DOCK8: variants seen among roughly 807,000 people sequenced by gnomAD.
The protein encoded by DOCK8 is dedicator of cytokinesis 8, also known as dedicator of cytokinesis protein 8.
Under a neutral mutation model 245.6 loss-of-function variants are expected in DOCK8, and 141 were observed. The ratio of observed to expected loss-of-function variants is 0.57; its 90% CI spans 0.50 to 0.66. The LOEUF (loss-of-function observed/expected upper bound fraction) is 0.66, where lower values mean the gene tolerates loss of function less well. DOCK8 is among the 30% of genes least tolerant of loss of function. The pLI is 0.00. For missense variants in DOCK8, 2,965 were observed against 2,603.4 expected (o/e 1.14, Z -3.02); for synonymous variants, 1,168 against 970.2 (o/e 1.20, Z -3.79).
At chr9:456,790 C>T (rs530698305) in intron 46 of DOCK8, 5 of 152,112 alleles carry the variant, frequency 3.3e-5, no homozygotes, top group African/African-American at 9.7e-5. Flanking sequence ...TCTGCTCCCC[C>T]AAACACCCCG....
chr9:289,869 T>C lies in DOCK8; in HGVS notation c.404+288T>C, dbSNP rs62533375. Among the ~76,000 whole-genome samples the C allele has an allele frequency of 0.12, 18,535 of 152,216 alleles. 1,185 individuals are homozygous for C. Among genetic ancestry groups the C allele is most frequent in the South Asian group, 0.19 (937 of 4,828 alleles). The stretch of plus-strand genomic sequence containing the variant: ...ACATTAATGTTTACTTTTTGTGTTG[T>C]ATATTCTATGGGTTTTGACAAATGT... On this transcript the variant is annotated intron_variant, in intron 4 of 47. Transcript: ENST00000432829.
At chr9:268,348 G>A (rs1285202043) in intron 1 of DOCK8, 2 of 152,230 alleles carry the variant, frequency 1.3e-5, no homozygotes, top group Non-Finnish European at 2.9e-5. Flanking sequence ...GATTAGTTGT[G>A]TAGTTCTGAA....
intron 27 of DOCK8, among the ~76,000 whole-genome samples, chr9:405,442 C>T (rs1024652783): frequency 3.9e-5 from 6 of 152,158 alleles, no homozygotes; most frequent in Non-Finnish European, 8.8e-5. Flanking sequence ...CATGTATTCA[C>T]CAGGTTTCTT....
intron 9 of DOCK8, among the ~76,000 whole-genome samples, chr9:332,106 G>A (rs937365497): frequency 1.3e-5 from 2 of 152,044 alleles, no homozygotes; most frequent in East Asian, 1.9e-4. Context: ...ATACACATAA[G>A]CAATGGGAAG....
chr9:336,511 T>C (rs1252690608), intron 11 of DOCK8, 71 bp from the exon 12 acceptor site: 2 of 1,596,448 alleles, frequency 1.3e-6, no homozygotes, highest in African/African-American at 2.7e-5. Context: ...TCATACATAT[T>C]GTGAAGTTAA....
chr9:313,390 C>T (rs2050209238), intron 6 of DOCK8, among the ~76,000 whole-genome samples: 2 of 152,226 alleles, frequency 1.3e-5, no homozygotes, highest in African/African-American at 4.8e-5. Context: ...TGATTGGGGT[C>T]CTGAATTTAC....
At chr9:436,826 C>T (rs1051812397) in intron 39 of DOCK8, among the ~76,000 whole-genome samples, 2 of 152,090 alleles carry the variant, frequency 1.3e-5, no homozygotes, top group South Asian at 2.1e-4. Flanking sequence ...ACCAGAGAGA[C>T]GTAATATAAC....
intron 40 of DOCK8, 139 bp from the exon 41 acceptor site, chr9:441,147 C>G (rs560680270): frequency 1.6e-6 from 2 of 1,279,088 alleles, no homozygotes; most frequent in South Asian, 2.5e-5. Context: ...TGCTCAGATA[C>G]CCCTTCTTGC....
At chr9:363,796 A>G (rs533959251) in intron 14 of DOCK8, among the ~76,000 whole-genome samples, 7 of 152,120 alleles carry the variant, frequency 4.6e-5, no homozygotes, top group Admixed American at 2.0e-4. Context: ...GGGGTGAGCA[A>G]CCCCTTTGGA....
intron 14 of DOCK8, among the ~76,000 whole-genome samples, chr9:358,313 C>T (rs1213696366): frequency 6.6e-6 from 1 of 152,112 alleles, no homozygotes; most frequent in Admixed American, 6.5e-5. Flanking sequence ...AGGCTAGTCT[C>T]GAACTCCTGG....
At chr9:324,723 G>T (rs1209817835) in intron 7 of DOCK8, among the ~76,000 whole-genome samples, 1 of 152,132 alleles carries the variant, frequency 6.6e-6, no homozygotes, top group Non-Finnish European at 1.5e-5. Context: ...GCCTTCTTCT[G>T]ACTGTCCCAC....
chr9:449,897 G>C lies in DOCK8; in HGVS notation c.5931G>C (p.Leu1977=), dbSNP rs1409000411. Residue 1977 remains leucine, a synonymous_variant, in exon 45 of 48, where the codon CTG becomes CTC. Coordinates refer to ENST00000432829, the MANE Select transcript of DOCK8 (RefSeq NM_203447.4). ...ATGCAAAGATGCTTCAGATGGTGCT[G>C]CAAGGCTCTGTGGGAGCTACTGTAA... ...PPDAKMLQMV[L]QGSVGATVNQ... The C allele has an allele frequency of 1.2e-6, 2 of 1,613,920 alleles. No individual in the cohort carries two copies. Among genetic ancestry groups the C allele is most frequent in the African/African-American group, 2.7e-5 (2 of 75,052 alleles).
At chr9:427,798 T>C (rs2131698894) in intron 34 of DOCK8, among the ~76,000 whole-genome samples, 1 of 152,374 alleles carries the variant, frequency 6.6e-6, no homozygotes, top group East Asian at 1.9e-4. Context: ...TTTAATATCT[T>C]TGATAACTTA....
upstream of DOCK8, chr9:214,039 T>C (rs1451550857): frequency 6.5e-6 from 1 of 154,200 alleles, no homozygotes; most frequent in East Asian, 1.9e-4. Context: ...TTTGGTATTT[T>C]TTAAGAGCAA....
chr9:406,265 G>C (rs1477390191), intron 27 of DOCK8, among the ~76,000 whole-genome samples: 2 of 152,090 alleles, frequency 1.3e-5, no homozygotes, highest in Admixed American at 1.3e-4. Context: ...AGGCCAAAGG[G>C]AGTGGAATAC....
chr9:381,094 C>T (rs1752442176), intron 21 of DOCK8: 1 of 149,174 alleles, frequency 6.7e-6, no homozygotes, highest in Non-Finnish European at 1.5e-5. Flanking sequence ...GAGCGAGATC[C>T]CATCTCTTAA....
At chr9:229,489 A>C (rs1001415891) in intron 1 of DOCK8, among the ~76,000 whole-genome samples, 1 of 152,192 alleles carries the variant, frequency 6.6e-6, no homozygotes, top group Admixed American at 6.5e-5. Flanking sequence ...TCCAGATTGC[A>C]GAGCTGTCTG....
intron 1 of DOCK8, among the ~76,000 whole-genome samples, chr9:246,871 C>T (rs763997127): frequency 2.4e-4 from 37 of 152,092 alleles, no homozygotes; most frequent in Admixed American, 1.1e-3. Context: ...CTTTCTCAGC[C>T]TCCCTAGTAG....
intron 27 of DOCK8, 144 bp downstream of exon 27, chr9:405,217 C>A: frequency 1.2e-6 from 1 of 819,138 alleles, no homozygotes; most frequent in Admixed American, 2.4e-5. Flanking sequence ...GTATGCTACC[C>A]TGAAGTTACA....
Sources: gnomAD v4.1 joint callset for allele counts (sites outside exome capture counted in the v4.1 genomes callset) on GRCh38, gnomAD v4.1.1 for gene constraint, MANE v1.5 for transcripts, NCBI Gene and HGNC (gene_info 2026-07-23, HGNC 2026-07-21) for gene names.